Variants in EML4 observed in about 807,000 individuals in gnomAD.
The protein encoded by EML4 is EMAP like 4.
EML4 carries 72 observed loss-of-function variants against 129.0 expected under a neutral mutation model. The observed-to-expected ratio is 0.56, with a 90% CI of 0.46 to 0.68. The LOEUF (loss-of-function observed/expected upper bound fraction) is 0.68, where lower values mean the gene tolerates loss of function less well. Among genes scored for constraint, EML4 ranks in the 30% least tolerant of loss-of-function variants. The pLI is 0.00. For synonymous variants in EML4, 532 were observed against 405.0 expected (o/e 1.31, Z -3.77); for missense variants, 1,363 against 1,190.6 (o/e 1.14, Z -2.13).
chr2:42,227,137 A>T (rs1479642564), intron 1 of EML4, among the ~76,000 whole-genome samples: 4 of 151,892 alleles, frequency 2.6e-5, no homozygotes, highest in Admixed American at 2.6e-4. Flanking sequence ...TTGAGGTAAG[A>T]TCTCGCTCTG....
chr2:42,220,835 G>C (rs1450392683), intron 1 of EML4, among the ~76,000 whole-genome samples: 1 of 152,176 alleles, frequency 6.6e-6, no homozygotes, highest in South Asian at 2.1e-4. Context: ...CCTTATTGCA[G>C]ATACGGAGAA....
chr2:42,217,419 A>G (rs1168739017), intron 1 of EML4, among the ~76,000 whole-genome samples: 2 of 152,164 alleles, frequency 1.3e-5, no homozygotes, highest in African/African-American at 4.8e-5. Flanking sequence ...TATAACCCAC[A>G]TTCTTCATGT....
In EML4 at chr2:42,315,999, T is replaced by A; in HGVS notation, c.2005T>A (p.Ser669Thr). Residue 669 changes from serine (S) to threonine (T), a missense_variant, in exon 18 of 23, where the codon TCT becomes ACT. By Grantham distance (58) the Ser-to-Thr change is moderately conservative (BLOSUM62 1). Transcript: ENST00000318522. ...VLDAETRDLV[S>T]IHTDGNEQLS... ...GGATGCAGAAACCAGAGATCTAGTT[T>A]CTATCCACACAGACGGGAATGAACA... is the stretch of plus-strand genomic sequence containing the variant. 6.2e-7 allele frequency: 1 copy of A among 1,613,814 alleles called. No homozygotes were observed. The highest frequency in any genetic ancestry group is 8.5e-7 in the Non-Finnish European group (1 of 1,179,780).
At chr2:42,304,355 CTCA>C in intron 16 of EML4, 126 bp from the exon 17 acceptor site, 1 of 687,708 alleles carries the variant, frequency 1.5e-6, no homozygotes. Context: ...TGTGGTATTT[CTCA>C]TTAGCTACAA....
intron 10 of EML4, among the ~76,000 whole-genome samples, chr2:42,287,250 G>T (rs1667357947): frequency 6.6e-6 from 1 of 152,168 alleles, no homozygotes; most frequent in African/African-American, 2.4e-5. Flanking sequence ...TGAAGGCACT[G>T]AATGTCAAGG....
intron 11 of EML4, chr2:42,289,250 A>T (rs1028219688): frequency 6.6e-6 from 1 of 152,212 alleles, no homozygotes; most frequent in African/African-American, 2.4e-5. Context: ...CATGAAAATG[A>T]AATATATCAA....
chr2:42,246,615 G>T (rs1007452764), intron 2 of EML4, among the ~76,000 whole-genome samples: 3 of 152,156 alleles, frequency 2.0e-5, no homozygotes, highest in Non-Finnish European at 4.4e-5. Context: ...GGTATGTAGA[G>T]ATACATATTG....
intron 1 of EML4, among the ~76,000 whole-genome samples, chr2:42,192,280 G>A (rs764158895): frequency 1.4e-5 from 2 of 142,528 alleles, no homozygotes; most frequent in African/African-American, 2.6e-5. Flanking sequence ...TCTGTTGCCC[G>A]TGCTGGAGTA....
At position 42,173,897 on chromosome 2, in the gene EML4, A is replaced by T. The variant is rs141355321; in HGVS notation, c.25+4261A>T. On this transcript the variant is annotated intron_variant, in intron 1 of 22. Transcript: ENST00000318522. ...CTGTATGTAGAGATGTTTATTATTAAGCCTAAGTACCAGAAATGGGGATGA... is the reference window on the plus strand; with the variant it reads ...CTGTATGTAGAGATGTTTATTATTATGCCTAAGTACCAGAAATGGGGATGA... Among the ~76,000 whole-genome samples, 3 of 152,318 alleles carry T rather than the reference A, an allele frequency of 2.0e-5. No homozygotes were observed. In the East Asian group the frequency reaches 5.8e-4, roughly 29 times the overall value.
chr2:42,262,697 G>C (rs1558552637), intron 4 of EML4, among the ~76,000 whole-genome samples: 1 of 151,948 alleles, frequency 6.6e-6, no homozygotes, highest in East Asian at 1.9e-4. Context: ...TCTGATCATT[G>C]GTAAAATTGT....
chr2:42,198,353 G>T (rs764886288), intron 1 of EML4, among the ~76,000 whole-genome samples: 3 of 152,118 alleles, frequency 2.0e-5, no homozygotes, highest in Non-Finnish European at 4.4e-5. Context: ...TAATAGGGGA[G>T]ACACTCTAAA....
chr2:42,249,975 C>T (rs2104324723), intron 2 of EML4, among the ~76,000 whole-genome samples: 1 of 152,292 alleles, frequency 6.6e-6, no homozygotes, highest in Middle Eastern at 3.4e-3. Context: ...GCCCAGAGAA[C>T]ACTGGAAGTT....
chr2:42,282,452 G>T (rs754398537), intron 7 of EML4, among the ~76,000 whole-genome samples: 27 of 152,116 alleles, frequency 1.8e-4, no homozygotes, highest in Non-Finnish European at 2.2e-4. Context: ...GCAGTGGCAC[G>T]ATCACTGCTC....
intron 20 of EML4, 33 bp from the exon 21 acceptor site, chr2:42,326,121 C>G: frequency 2.5e-6 from 4 of 1,609,598 alleles, no homozygotes; most frequent in Non-Finnish European, 3.4e-6. Context: ...TACACAAGCA[C>G]TATGATTATA....
intron 1 of EML4, among the ~76,000 whole-genome samples, chr2:42,240,035 T>C (rs1674919478): frequency 6.6e-6 from 1 of 152,212 alleles, no homozygotes; most frequent in Non-Finnish European, 1.5e-5. Flanking sequence ...ACTCACCTGA[T>C]GTCTCAGAGT....
intron 21 of EML4, among the ~76,000 whole-genome samples, chr2:42,326,577 A>C (rs137906307): frequency 6.6e-6 from 1 of 152,316 alleles, no homozygotes; most frequent in East Asian, 1.9e-4. Context: ...ATGCCATACA[A>C]TTCACCTAAA....
chr2:42,230,458 G>A (rs1034037673), intron 1 of EML4, among the ~76,000 whole-genome samples: 8 of 152,048 alleles, frequency 5.3e-5, no homozygotes, highest in Admixed American at 5.2e-4. Context: ...ACAGGCTAGA[G>A]TACAGTGTTG....
chr2:42,288,477 T>A (rs1354603542), intron 11 of EML4, 155 bp downstream of exon 11: 1 of 446,826 alleles, frequency 2.2e-6, no homozygotes, highest in Non-Finnish European at 4.0e-6. Flanking sequence ...TCATAATCGT[T>A]AAGATATTAA....
intron 3 of EML4, among the ~76,000 whole-genome samples, chr2:42,259,722 C>CTTTTTTTTTTTTTTTTTTTTTT (rs780243101): frequency 4.1e-5 from 4 of 98,348 alleles, no homozygotes; most frequent in Admixed American, 1.3e-4. Context: ...TTCTTTCTTT[C>CTTTTTTTTTTTTTTTTTTTTTT]TTTTTTTTTT....
Sources: allele counts gnomAD v4.1 joint callset (sites outside exome capture counted in the v4.1 genomes callset), GRCh38; gene constraint gnomAD v4.1.1; transcripts MANE v1.5; gene names NCBI Gene and HGNC (gene_info 2026-07-23, HGNC 2026-07-21).